Variants in TMEM120B observed in about 807,000 individuals in gnomAD.
TMEM120B encodes the protein transmembrane protein 120B.
A neutral mutation model predicts 55.5 loss-of-function variants in TMEM120B; 31 were observed. The ratio of observed to expected loss-of-function variants is 0.56; its 90% CI spans 0.42 to 0.75. The LOEUF is 0.75. Ranked by LOEUF, TMEM120B falls within the 30% of genes least tolerant of loss-of-function variation. The probability of loss-of-function intolerance (pLI) is 0.00; values close to 1 mark genes in which losing one functional copy is unlikely to be tolerated. For synonymous variants in TMEM120B, 203 were observed against 176.3 expected (o/e 1.15, Z -1.20); for missense variants, 399 against 425.5 (o/e 0.94, Z 0.55).
At chr12:121,740,078 G>A (rs187340124) in intron 1 of TMEM120B, among the ~76,000 whole-genome samples, 211 of 152,094 alleles carry the variant, frequency 1.4e-3, no homozygotes, top group Non-Finnish European at 1.9e-3. Context: ...CGCGCCCGGC[G>A]ACTCCCACAA....
chr12:121,718,883 T>G (rs1269200567), intron 1 of TMEM120B, among the ~76,000 whole-genome samples: 1 of 152,182 alleles, frequency 6.6e-6, no homozygotes, highest in East Asian at 1.9e-4. Context: ...TGTCTGTGTC[T>G]GTGTGTGGAT....
At chr12:121,764,672 TG>T (rs1203323261) in intron 6 of TMEM120B, among the ~76,000 whole-genome samples, 1 of 151,522 alleles carries the variant, frequency 6.6e-6, no homozygotes, top group Non-Finnish European at 1.5e-5. Context: ...AAAAGTGCTC[TG>T]GGGCATGTGA....
intron 1 of TMEM120B, among the ~76,000 whole-genome samples, chr12:121,732,361 G>A (rs1895017770): frequency 6.6e-6 from 1 of 152,112 alleles, no homozygotes; most frequent in South Asian, 2.1e-4. Context: ...TAGAGCTAAG[G>A]CTGGGGGTGG....
At chr12:121,744,768 C>A (rs561722596) in intron 2 of TMEM120B, among the ~76,000 whole-genome samples, 1 of 152,262 alleles carries the variant, frequency 6.6e-6, no homozygotes, top group South Asian at 2.1e-4. Flanking sequence ...GAATCTGGGA[C>A]TCCTGGTCAA....
intron 1 of TMEM120B, among the ~76,000 whole-genome samples, chr12:121,726,218 C>T (rs1894888091): frequency 1.3e-5 from 2 of 151,924 alleles, no homozygotes; most frequent in African/African-American, 2.4e-5. Flanking sequence ...GTATAAAAAT[C>T]ACTGAATTAT....
chr12:121,758,250 C>T, intron 5 of TMEM120B: 1 of 985,480 alleles, frequency 1.0e-6, no homozygotes, highest in Non-Finnish European at 1.2e-6. Context: ...GGGTCGGCCT[C>T]TCCACTTCAC....
chr12:121,769,469 G>A (rs1485436502), intron 6 of TMEM120B, among the ~76,000 whole-genome samples: 1 of 152,156 alleles, frequency 6.6e-6, no homozygotes, highest in African/African-American at 2.4e-5. Context: ...ACTTTGGAAG[G>A]CCAAGGCAAG....
At chr12:121,770,697 G>C (rs1019554661) in intron 6 of TMEM120B, among the ~76,000 whole-genome samples, 1 of 152,134 alleles carries the variant, frequency 6.6e-6, no homozygotes, top group South Asian at 2.1e-4. Context: ...CCAAGTGGGA[G>C]TCCAGGCTAA....
chr12:121,774,998 C>T lies in TMEM120B; in HGVS notation c.838-64C>T, dbSNP rs1312680041. On this transcript the variant is annotated intron_variant, in intron 10 of 11. Transcript: ENST00000449592. Reference sequence around the variant, plus strand: ...TTGGGTGAGGGGCCTGGCCATCACCCTGGCTTTCTACGTGGCCGGCCAGGG... The same window carrying T: ...TTGGGTGAGGGGCCTGGCCATCACCTTGGCTTTCTACGTGGCCGGCCAGGG... 7 of 1,585,096 alleles carry T rather than the reference C, an allele frequency of 4.4e-6. No homozygotes were observed. The Admixed American group carries it at 1.0e-4, about 23-fold the overall frequency.
chr12:121,762,810 T>C (rs886648796), intron 6 of TMEM120B, among the ~76,000 whole-genome samples: 4 of 152,190 alleles, frequency 2.6e-5, no homozygotes, highest in Non-Finnish European at 4.4e-5. Context: ...GAGGCCGGGC[T>C]AGGAGTGTGG....
rs1034491280 is a variant in TMEM120B, at chr12:121,752,167, C to T, written c.405C>T (p.Tyr135=). The T allele has an allele frequency of 6.2e-6, 10 of 1,613,620 alleles. No homozygotes were observed. In the African/African-American group the frequency reaches 1.2e-4, roughly 19 times the overall value. ...YKDEYEKFKL[Y]LTIILLLGAV... is the part of the protein sequence containing the mutation. ...ACGAATATGAGAAGTTCAAGCTCTA[C>T]CTGACCATCATCCTGCTCCTGGGTG... Residue 135 remains tyrosine (Y), a synonymous_variant, in exon 5 of 12, where the codon TAC becomes TAT. Coordinates refer to ENST00000449592, the MANE Select transcript of TMEM120B (RefSeq NM_001080825.2).
rs934974667 is a variant in TMEM120B at position 121,776,607 on chromosome 12, C to T, written c.*885C>T. The T allele has an allele frequency of 2.0e-5, 3 of 152,208 alleles. No individual in the cohort carries two copies. Among genetic ancestry groups the T allele is most frequent in the Non-Finnish European group, 4.4e-5 (3 of 68,068 alleles). 9.4% of individuals were successfully genotyped at this position (152,208 alleles called of 1,614,324 possible). ...GCGGGGTCAGAGCCACTGGGCATCG[C>T]TTGGGTGAGATTCTGCATTCGACGG... On this transcript the variant is annotated 3_prime_UTR_variant, in exon 12 of 12. Coordinates refer to ENST00000449592, the MANE Select transcript of TMEM120B (RefSeq NM_001080825.2).
chr12:121,748,462 C>G lies in TMEM120B; in HGVS notation c.305+20C>G. On this transcript the variant is annotated intron_variant, in intron 3 of 11. Coordinates refer to ENST00000449592, the MANE Select transcript of TMEM120B (RefSeq NM_001080825.2). ...GAACGGGTAGGAGCTGGCAACCTCC[C>G]CACCCCTAGCACAGGCCCATGCCCA... 1 of 1,551,666 alleles carries G rather than the reference C, an allele frequency of 6.4e-7. No homozygotes were observed. The highest frequency in any genetic ancestry group is 1.1e-5 in the South Asian group (1 of 88,888).
intron 1 of TMEM120B, among the ~76,000 whole-genome samples, chr12:121,727,080 A>G (rs1894910831): frequency 6.6e-6 from 1 of 152,126 alleles, no homozygotes; most frequent in Admixed American, 6.6e-5. Flanking sequence ...TCTCAAAATA[A>G]ATAGATACAT....
chr12:121,750,307 G>C (rs1283809781), intron 3 of TMEM120B, 73 bp from the exon 4 acceptor site: 4 of 1,389,276 alleles, frequency 2.9e-6, no homozygotes, highest in Non-Finnish European at 4.1e-6. Flanking sequence ...CTCATTAAGT[G>C]TGTTGAGTTT....
intron 1 of TMEM120B, among the ~76,000 whole-genome samples, chr12:121,726,355 G>A (rs1894891811): frequency 1.3e-5 from 2 of 151,320 alleles, no homozygotes; most frequent in Admixed American, 1.3e-4. Context: ...CGATGCAGGT[G>A]GATCATGAGG....
chr12:121,754,800 A>G (rs991588380), intron 5 of TMEM120B, among the ~76,000 whole-genome samples: 1 of 152,206 alleles, frequency 6.6e-6, no homozygotes, highest in Admixed American at 6.5e-5. Flanking sequence ...GAAGGATGCT[A>G]TTCAACCCAG....
chr12:121,726,059 A>C lies in TMEM120B; in HGVS notation c.69+13095A>C, dbSNP rs867313191. ...TCAAAAAAAAAAAAACAAAAAAAAA[A>C]CCACCTCTGGACAGAAAGGTGGTTA... On this transcript the variant is annotated intron_variant, in intron 1 of 11. Transcript: ENST00000449592. Among the ~76,000 whole-genome samples, 141 of 151,294 alleles carry C rather than the reference A, an allele frequency of 9.3e-4. 1 individual carries two copies. The highest frequency in any genetic ancestry group is 1.2e-3 in the African/African-American group (49 of 41,268).
At chr12:121,739,398 A>G (rs576747275) in intron 1 of TMEM120B, among the ~76,000 whole-genome samples, 14 of 152,196 alleles carry the variant, frequency 9.2e-5, no homozygotes, top group Non-Finnish European at 2.1e-4. Context: ...TGTTATATCA[A>G]CGTTACATTT....
Sources: gnomAD v4.1 joint callset for allele counts (sites outside exome capture counted in the v4.1 genomes callset) on GRCh38, gnomAD v4.1.1 for gene constraint, MANE v1.5 for transcripts, NCBI Gene and HGNC (gene_info 2026-07-23, HGNC 2026-07-21) for gene names.